MYT1L: variants seen among roughly 807,000 people sequenced by gnomAD.
The protein encoded by MYT1L is myelin transcription factor 1-like protein.
In MYT1L, 12 loss-of-function variants were observed where a neutral mutation model predicts 126.7. That is an observed-to-expected ratio of 0.09 (90% CI 0.06 to 0.15). MYT1L has a LOEUF of 0.15. Among genes scored for constraint, MYT1L ranks in the 10% least tolerant of loss-of-function variants. MYT1L has a pLI of 1.00. For synonymous variants in MYT1L, 541 were observed against 604.2 expected (o/e 0.90, Z 1.53); for missense variants, 979 against 1,585.2 (o/e 0.62, Z 6.49).
intron 21 of MYT1L, among the ~76,000 whole-genome samples, chr2:1,810,388 C>T (rs2036411496): frequency 1.3e-5 from 2 of 152,166 alleles, no homozygotes; most frequent in South Asian, 4.1e-4. Context: ...GATCTGCCCG[C>T]CTTGGCCTCC....
intron 2 of MYT1L, among the ~76,000 whole-genome samples, chr2:2,183,943 G>A (rs2091831080): frequency 7.6e-6 from 1 of 130,998 alleles, no homozygotes; most frequent in South Asian, 2.6e-4. Context: ...AAAAAAGGAA[G>A]GAAGGAAGAA....
In MYT1L at chr2:2,261,142, CGTGTGTGT is replaced by C. The variant is rs10604026; in HGVS notation, c.-421+23254_-421+23261del. On this transcript the variant is annotated intron_variant, in intron 2 of 24. Transcript: ENST00000647738. Reference sequence around the variant, plus strand: ...GCTGGGGTGCATGTGTGTGTGAGTGCGTGTGTGTGTGTGTGTGTGTGTGTGTATGTGTT... The same window carrying C: ...GCTGGGGTGCATGTGTGTGTGAGTGCGTGTGTGTGTGTGTGTGTATGTGTT... 2.0e-5 allele frequency among the ~76,000 whole-genome samples: 3 copies of C among 149,206 alleles called. No homozygotes were observed. The East Asian group carries it at 6.0e-4, about 30-fold the overall frequency.
rs569339750 is a variant in MYT1L, at chr2:1,860,904, T to C, written c.2712-9201A>G. Among the ~76,000 whole-genome samples, 20 of 152,066 alleles carry C rather than the reference T, an allele frequency of 1.3e-4. No individual in the cohort carries two copies. The East Asian group carries it at 3.7e-3, about 28-fold the overall frequency. ...CAATTTTCCAACACCAAGAACCCAC[T>C]GGATTGCCTGTGAGACTAAGACGGA... On this transcript the variant is annotated intron_variant, in intron 18 of 24. Transcript: ENST00000647738.
intron 2 of MYT1L, among the ~76,000 whole-genome samples, chr2:2,204,198 T>C (rs181198626): frequency 0.043 from 6,554 of 152,230 alleles, 445 homozygotes; most frequent in African/African-American, 0.14. Flanking sequence ...GACATAGGCA[T>C]GGGCAAGGAC....
intron 15 of MYT1L, 69 bp downstream of exon 15, chr2:1,891,968 T>C: frequency 6.9e-7 from 1 of 1,444,918 alleles, no homozygotes; most frequent in Non-Finnish European, 9.1e-7. Flanking sequence ...GCCGCGTGTC[T>C]CGGTGGCTGG....
At position 2,151,586 on chromosome 2, in the gene MYT1L, G is replaced by A. The variant is rs372053749; in HGVS notation, c.-304+21286C>T. Among the ~76,000 whole-genome samples the A allele has an allele frequency of 4.8e-4, 73 of 152,302 alleles. 1 individual carries two copies. The highest frequency in any genetic ancestry group is 1.5e-3 in the African/African-American group (62 of 41,560). On this transcript the variant is annotated intron_variant, in intron 3 of 24. Transcript: ENST00000647738. ...CATTTGAAATCCATTAGCTCCTCTT[G>A]TTCATGGGGGATATGTTCCAAGACC... is the stretch of plus-strand genomic sequence containing the variant.
intron 4 of MYT1L, among the ~76,000 whole-genome samples, chr2:2,018,604 T>C (rs569334236): frequency 1.3e-5 from 2 of 152,332 alleles, no homozygotes; most frequent in Admixed American, 6.5e-5. Flanking sequence ...CTCCGCCGTT[T>C]ATGGCATGGT....
intron 18 of MYT1L, among the ~76,000 whole-genome samples, chr2:1,856,460 C>T (rs186648328): frequency 6.6e-6 from 1 of 152,280 alleles, no homozygotes; most frequent in East Asian, 1.9e-4. Context: ...GTGCACATCA[C>T]GCAGCTGGGA....
chr2:1,967,276 T>C (rs950135832), intron 8 of MYT1L, among the ~76,000 whole-genome samples: 10 of 152,226 alleles, frequency 6.6e-5, no homozygotes, highest in Admixed American at 6.5e-4. Flanking sequence ...GTGTTTCAAA[T>C]ACTGAAAAGC....
intron 9 of MYT1L, among the ~76,000 whole-genome samples, chr2:1,936,364 T>G (rs542309723): frequency 8.5e-5 from 13 of 152,348 alleles, no homozygotes; most frequent in African/African-American, 3.1e-4. Context: ...AGTTTAGGTT[T>G]TTTAAAATCA....
At position 2,278,771 on chromosome 2, in the gene MYT1L, A is replaced by G. The variant is rs188616983; in HGVS notation, c.-421+5633T>C. Among the ~76,000 whole-genome samples, 3 of 152,322 alleles carry G rather than the reference A, an allele frequency of 2.0e-5. No individual in the cohort carries two copies. The East Asian group carries it at 5.8e-4, about 29-fold the overall frequency. Reference sequence around the variant, plus strand: ...ATAAAGTTATATTTTTCCTGGCTATATTTTAACACCATGTATTTCTTCTTA... The same window carrying G: ...ATAAAGTTATATTTTTCCTGGCTATGTTTTAACACCATGTATTTCTTCTTA... On this transcript the variant is annotated intron_variant, in intron 2 of 24. Coordinates refer to ENST00000647738, the MANE Select transcript of MYT1L (RefSeq NM_001303052.2).
At chr2:2,314,456 G>A (rs1329676072) in intron 1 of MYT1L, among the ~76,000 whole-genome samples, 1 of 152,096 alleles carries the variant, frequency 6.6e-6, no homozygotes, top group African/African-American at 2.4e-5. Context: ...AAATTAAACT[G>A]GTTTTCAGGG....
chr2:2,115,890 C>A (rs569969971), intron 3 of MYT1L, among the ~76,000 whole-genome samples: 3 of 150,110 alleles, frequency 2.0e-5, no homozygotes, highest in Admixed American at 2.0e-4. Context: ...GGATGCACCA[C>A]GTCCAGTCGA....
chr2:2,272,822 T>C (rs921684709), intron 2 of MYT1L, among the ~76,000 whole-genome samples: 2 of 152,152 alleles, frequency 1.3e-5, no homozygotes, highest in African/African-American at 4.8e-5. Context: ...GAAGTCACCC[T>C]TGATGCTTCT....
At chr2:2,167,417 C>A (rs1440388682) in intron 3 of MYT1L, among the ~76,000 whole-genome samples, 2 of 152,202 alleles carry the variant, frequency 1.3e-5, no homozygotes, top group Admixed American at 6.5e-5. Context: ...TTCCTGGAGA[C>A]CCTGAACAAC....
chr2:2,039,402 CA>C (rs796884702), intron 4 of MYT1L, among the ~76,000 whole-genome samples: 2,903 of 140,952 alleles, frequency 0.021, 97 homozygotes, highest in African/African-American at 0.067. Context: ...GACCCACTTT[CA>C]AAAAAAAAAA....
chr2:1,801,073 T>G lies in MYT1L; in HGVS notation c.3276+623A>C, dbSNP rs1379768886. Among the ~76,000 whole-genome samples, 1 of 152,194 alleles carries G rather than the reference T, an allele frequency of 6.6e-6. No individual in the cohort carries two copies. Among genetic ancestry groups the G allele is most frequent in the African/African-American group, 2.4e-5 (1 of 41,450 alleles). On this transcript the variant is annotated intron_variant, in intron 23 of 24. Coordinates refer to ENST00000647738, the MANE Select transcript of MYT1L (RefSeq NM_001303052.2). The surrounding 1 kb of genome is among the most constrained non-coding windows in gnomAD (Gnocchi z 4.2). ...GTCAGACAGGGTCCAGCCTGGCCTC[T>G]GTGGCTTCGGCTTGGCTGAGGAAGC... is the stretch of plus-strand genomic sequence containing the variant.
At chr2:2,007,219 T>C (rs1165523257) in intron 4 of MYT1L, among the ~76,000 whole-genome samples, 1 of 152,124 alleles carries the variant, frequency 6.6e-6, no homozygotes, top group South Asian at 2.1e-4. Context: ...GTGGGTCACA[T>C]GGTAGTTCTA....
intron 1 of MYT1L, among the ~76,000 whole-genome samples, chr2:2,302,806 G>A (rs558834284): frequency 7.9e-5 from 12 of 152,260 alleles, no homozygotes; most frequent in Non-Finnish European, 1.3e-4. Flanking sequence ...GGTTTGATGC[G>A]TGAACAAAGT....
Sources: allele counts gnomAD v4.1 joint callset (sites outside exome capture counted in the v4.1 genomes callset), GRCh38; gene constraint gnomAD v4.1.1; non-coding constraint Gnocchi (gnomAD v3.1); transcripts MANE v1.5; gene names NCBI Gene and HGNC (gene_info 2026-07-23, HGNC 2026-07-21).